The following NRG3 variants were observed in gnomAD, a reference collection of about 807,000 sequenced individuals.
The protein encoded by NRG3 is neuregulin 3.
In NRG3, 31 loss-of-function variants were observed where a neutral mutation model predicts 66.9. The observed-to-expected ratio is 0.46, with a 90% CI of 0.35 to 0.63. The LOEUF (loss-of-function observed/expected upper bound fraction) is 0.63. Among genes scored for constraint, NRG3 ranks in the 20% least tolerant of loss-of-function variants. NRG3 has a pLI of 0.00. For missense variants in NRG3, 910 were observed against 878.9 expected, an observed-to-expected ratio of 1.04 and a Z score of -0.45; for synonymous variants, 393 against 359.4, an observed-to-expected ratio of 1.09 and a Z score of -1.06.
At chr10:82,657,768 G>A (rs2051989152) in intron 2 of NRG3, among the ~76,000 whole-genome samples, 2 of 152,050 alleles carry the variant, frequency 1.3e-5, no homozygotes, top group Non-Finnish European at 2.9e-5. Flanking sequence ...CAAAGAATTT[G>A]ACAACTTTGA....
chr10:82,641,324 T>C (rs1335708594), intron 2 of NRG3, among the ~76,000 whole-genome samples: 1 of 152,206 alleles, frequency 6.6e-6, no homozygotes, highest in African/African-American at 2.4e-5. Flanking sequence ...CTTGTGTATG[T>C]CTGTATTTCT....
chr10:82,958,286 C>T (rs1850272505), intron 5 of NRG3, among the ~76,000 whole-genome samples: 4 of 152,152 alleles, frequency 2.6e-5, no homozygotes, highest in Admixed American at 2.6e-4. Context: ...CTTTAGTTCT[C>T]ATCTACTTAA....
intron 2 of NRG3, among the ~76,000 whole-genome samples, chr10:82,429,121 C>G (rs2089634088): frequency 6.6e-6 from 1 of 151,978 alleles, no homozygotes; most frequent in Non-Finnish European, 1.5e-5. Context: ...AAAGCTTAAA[C>G]TCCTCTTTGT....
intron 4 of NRG3, among the ~76,000 whole-genome samples, chr10:82,928,535 C>A (rs932825115): frequency 1.3e-5 from 2 of 150,744 alleles, no homozygotes; most frequent in Non-Finnish European, 2.9e-5. Context: ...ATGAAGGGGT[C>A]CAGTTTCAGT....
chr10:82,085,458 G>T (rs1253210119), intron 1 of NRG3, among the ~76,000 whole-genome samples: 3 of 152,068 alleles, frequency 2.0e-5, no homozygotes, highest in Non-Finnish European at 4.4e-5. Flanking sequence ...CCAAGGTCAA[G>T]GGGCTCACAT....
In NRG3 at chr10:82,951,496, T is replaced by C. The variant is rs1592068305; in HGVS notation, c.1082T>C (p.Val361Ala). The C allele has an allele frequency of 6.2e-7, 1 of 1,613,996 alleles. No individual in the cohort carries two copies. Among genetic ancestry groups the C allele is most frequent in the East Asian group, 2.2e-5 (1 of 44,878 alleles). ...AGTGAAGAAGTTTATCAAAGGCAGG[T>C]GCTGTCAATTTCATGTATCATCTTT... ...MESEEVYQRQVLSISCIIFGI... is the reference protein window; with the variant it reads ...MESEEVYQRQALSISCIIFGI... Residue 361 changes from valine (V) to alanine (A), a missense_variant, in exon 5 of 9, where the codon GTG (valine) becomes GCG (alanine). By Grantham distance (64) the Val-to-Ala change is moderately conservative. Coordinates refer to ENST00000372141, the MANE Select transcript of NRG3 (RefSeq NM_001010848.4).
chr10:82,059,165 AT>A (rs2064001134), intron 1 of NRG3, among the ~76,000 whole-genome samples: 2 of 152,308 alleles, frequency 1.3e-5, no homozygotes, highest in South Asian at 4.1e-4. Flanking sequence ...GAGCAATGAG[AT>A]GCATTGAAAG....
chr10:82,681,922 T>C (rs1321619399), intron 2 of NRG3, among the ~76,000 whole-genome samples: 2 of 152,224 alleles, frequency 1.3e-5, no homozygotes, highest in Admixed American at 6.5e-5. Context: ...TGCTGATACC[T>C]GCATTTCTCT....
chr10:82,632,283 A>G (rs532558316), intron 2 of NRG3, among the ~76,000 whole-genome samples: 2 of 152,264 alleles, frequency 1.3e-5, no homozygotes, highest in East Asian at 3.9e-4. Flanking sequence ...ACTCTGGGCT[A>G]CTATTTCATA....
At chr10:82,874,001 T>G (rs965282250) in intron 4 of NRG3, among the ~76,000 whole-genome samples, 69 of 151,864 alleles carry the variant, frequency 4.5e-4, no homozygotes, top group African/African-American at 1.4e-3. Context: ...TTGTATTTTT[T>G]AAGTTAAAAA....
chr10:82,062,092 A>G (rs1367920637), intron 1 of NRG3, among the ~76,000 whole-genome samples: 2 of 152,138 alleles, frequency 1.3e-5, no homozygotes, highest in Non-Finnish European at 2.9e-5. Context: ...CAGTCTGGAC[A>G]TTGGGCACAA....
At chr10:82,334,523 G>C (rs2082292903) in intron 1 of NRG3, among the ~76,000 whole-genome samples, 1 of 152,194 alleles carries the variant, frequency 6.6e-6, no homozygotes, top group Admixed American at 6.5e-5. Flanking sequence ...TGAGCAAAAA[G>C]ATGGGCACCT....
Position 82,240,297 on chromosome 10 carries a change from G to A in NRG3, c.824-118442G>A, listed in dbSNP as rs182281917. ...ATTTATTAAAATTGGTAAATTATAT[G>A]CATTTGAATAAAAAAAATCATTAAC... is the stretch of plus-strand genomic sequence containing the variant. On this transcript the variant is annotated intron_variant, in intron 1 of 8. Coordinates refer to ENST00000372141, the MANE Select transcript of NRG3 (RefSeq NM_001010848.4). Among the ~76,000 whole-genome samples the A allele has an allele frequency of 6.6e-5, 10 of 152,028 alleles. No homozygotes were observed. The East Asian group carries it at 1.7e-3, about 26-fold the overall frequency.
chr10:82,856,773 A>C (rs1430602520), intron 3 of NRG3, among the ~76,000 whole-genome samples: 64 of 142,704 alleles, frequency 4.5e-4, no homozygotes, highest in South Asian at 9.1e-4. Flanking sequence ...AAAAAAAAAA[A>C]GAAAAGAAAA....
At chr10:82,671,792 G>T (rs1302945287) in intron 2 of NRG3, among the ~76,000 whole-genome samples, 1 of 152,344 alleles carries the variant, frequency 6.6e-6, no homozygotes. Context: ...AATGTCACAT[G>T]TGTGATTCCT....
At chr10:82,245,083 A>G (rs565140299) in intron 1 of NRG3, among the ~76,000 whole-genome samples, 1 of 152,250 alleles carries the variant, frequency 6.6e-6, no homozygotes, top group East Asian at 1.9e-4. Context: ...ATTGTAACAT[A>G]CAATGAAATA....
chr10:82,299,937 C>G (rs1476021029), intron 1 of NRG3, among the ~76,000 whole-genome samples: 1 of 152,138 alleles, frequency 6.6e-6, no homozygotes, highest in Admixed American at 6.5e-5. Context: ...AGACATTTAA[C>G]TACTGGCTCG....
At chr10:81,915,796 T>C (rs1845652781) in intron 1 of NRG3, among the ~76,000 whole-genome samples, 1 of 152,016 alleles carries the variant, frequency 6.6e-6, no homozygotes, top group Admixed American at 6.6e-5. Context: ...AAAATTAGCA[T>C]GATAATGGTG....
rs139742108 is a variant in NRG3 at position 82,288,480 on chromosome 10, G to A, written c.824-70259G>A. 2.0e-4 allele frequency among the ~76,000 whole-genome samples: 31 copies of A among 152,228 alleles called. 1 individual carries two copies. In the East Asian group the frequency reaches 5.0e-3, roughly 25 times the overall value. On this transcript the variant is annotated intron_variant, in intron 1 of 8. Coordinates refer to ENST00000372141, the MANE Select transcript of NRG3 (RefSeq NM_001010848.4). ...CACTGAGGCTCAGGCAGTAGGAGCC[G>A]GGCAGCAAGGAGGAGGCAGCCTGAA...
Sources: gnomAD v4.1 joint callset for allele counts (sites outside exome capture counted in the v4.1 genomes callset) on GRCh38, gnomAD v4.1.1 for gene constraint, MANE v1.5 for transcripts, NCBI Gene and HGNC (gene_info 2026-07-23, HGNC 2026-07-21) for gene names.